The following ANO10 variants were observed in gnomAD, a reference collection of about 807,000 sequenced individuals.
ANO10 encodes the protein anoctamin-10.
In ANO10, 77 loss-of-function variants were observed where a neutral mutation model predicts 74.7. The ratio of observed to expected loss-of-function variants is 1.03; its 90% CI spans 0.86 to 1.25. The LOEUF is 1.25. Ranked by LOEUF, ANO10 falls within the 50% of genes most tolerant of loss-of-function variation. The probability of loss-of-function intolerance (pLI) is 0.00; values close to 1 mark genes in which losing one functional copy is unlikely to be tolerated. For synonymous variants in ANO10, 279 were observed against 284.9 expected (o/e 0.98, Z 0.21); for missense variants, 721 against 778.1 (o/e 0.93, Z 0.87).
intron 4 of ANO10, among the ~76,000 whole-genome samples, chr3:43,595,774 G>T (rs906899201): frequency 1.3e-5 from 2 of 152,120 alleles, no homozygotes; most frequent in African/African-American, 4.8e-5. Flanking sequence ...CAATCAGGCA[G>T]GAGAAAGAAA....
intron 7 of ANO10, among the ~76,000 whole-genome samples, chr3:43,574,112 G>C (rs188105260): frequency 1.3e-5 from 2 of 150,160 alleles, no homozygotes; most frequent in African/African-American, 4.9e-5. Flanking sequence ...CACCATACCC[G>C]GTGAATTTTT....
intron 12 of ANO10, among the ~76,000 whole-genome samples, chr3:43,367,385 T>C (rs2091450114): frequency 6.6e-6 from 1 of 152,194 alleles, no homozygotes; most frequent in African/African-American, 2.4e-5. Flanking sequence ...TTTCCAAATC[T>C]GCAGTGAGAG....
intron 1 of ANO10, among the ~76,000 whole-genome samples, chr3:43,630,641 G>C (rs2083536411): frequency 1.3e-5 from 2 of 152,136 alleles, no homozygotes; most frequent in South Asian, 4.1e-4. Flanking sequence ...ACCTCTGCCT[G>C]GAATACTGTC....
intron 11 of ANO10, among the ~76,000 whole-genome samples, chr3:43,522,348 C>A (rs2077994294): frequency 6.6e-6 from 1 of 151,768 alleles, no homozygotes; most frequent in Non-Finnish European, 1.5e-5. Context: ...AAAAGCTCTA[C>A]AGCTATTTCT....
chr3:43,631,950 A>G (rs1363163446), intron 1 of ANO10, among the ~76,000 whole-genome samples: 1 of 151,500 alleles, frequency 6.6e-6, no homozygotes, highest in Non-Finnish European at 1.5e-5. Flanking sequence ...GTGGGCGCCT[A>G]TAATCCCAGC....
intron 1 of ANO10, among the ~76,000 whole-genome samples, chr3:43,637,336 C>T (rs911621864): frequency 7.2e-5 from 11 of 151,898 alleles, no homozygotes; most frequent in South Asian, 6.2e-4. Flanking sequence ...GGCTTGGGGG[C>T]GCATGCCTGT....
At chr3:43,411,404 CTAAT>C (rs1319913828) in intron 12 of ANO10, among the ~76,000 whole-genome samples, 2 of 152,154 alleles carry the variant, frequency 1.3e-5, no homozygotes, top group Non-Finnish European at 2.9e-5. Flanking sequence ...CAGCTGAGGG[CTAAT>C]TACTCTTTGA....
chr3:43,540,501 G>A (rs2078907751), intron 11 of ANO10, among the ~76,000 whole-genome samples: 1 of 152,178 alleles, frequency 6.6e-6, no homozygotes, highest in Non-Finnish European at 1.5e-5. Flanking sequence ...TCTTTATGAA[G>A]TCTTTCCAAA....
intron 11 of ANO10, among the ~76,000 whole-genome samples, chr3:43,487,979 C>T (rs952450160): frequency 6.6e-5 from 10 of 152,112 alleles, no homozygotes; most frequent in Non-Finnish European, 1.3e-4. Flanking sequence ...AGATATAGAT[C>T]AATGGAACAG....
chr3:43,674,463 CT>C (rs1168666089), intron 1 of ANO10, among the ~76,000 whole-genome samples: 1 of 152,044 alleles, frequency 6.6e-6, no homozygotes, highest in Non-Finnish European at 1.5e-5. Flanking sequence ...GGAGTGTAGA[CT>C]TTTTGATGAA....
At chr3:43,669,156 T>C (rs546633003) in intron 1 of ANO10, among the ~76,000 whole-genome samples, 1 of 152,110 alleles carries the variant, frequency 6.6e-6, no homozygotes, top group African/African-American at 2.4e-5. Context: ...TGGAGTTGTG[T>C]ATTTCCCTTC....
chr3:43,571,956 A>G (rs1455868201), intron 7 of ANO10, among the ~76,000 whole-genome samples: 1 of 152,102 alleles, frequency 6.6e-6, no homozygotes, highest in Non-Finnish European at 1.5e-5. Context: ...TATTAAATAA[A>G]CAAACTCTGG....
At chr3:43,485,006 C>T (rs2076414354) in intron 11 of ANO10, 23 of 1,463,460 alleles carry the variant, frequency 1.6e-5, no homozygotes, top group South Asian at 1.2e-4. Flanking sequence ...GGTGGTGAGG[C>T]GTGGCTTGTG....
At chr3:43,386,648 CGTGTGTGT>C (rs36065814) in intron 12 of ANO10, among the ~76,000 whole-genome samples, 151 of 139,992 alleles carry the variant, frequency 1.1e-3, no homozygotes, top group South Asian at 6.3e-3. Context: ...TAGGTGTGTA[CGTGTGTGT>C]GTGTGTGTGT....
At chr3:43,651,346 A>C (rs569169407) in intron 1 of ANO10, among the ~76,000 whole-genome samples, 1 of 152,338 alleles carries the variant, frequency 6.6e-6, no homozygotes, top group Admixed American at 6.5e-5. Flanking sequence ...ATCTTACGCC[A>C]TAAAGACACA....
At chr3:43,599,483 CTTA>C (rs1366117690) in intron 3 of ANO10, among the ~76,000 whole-genome samples, 2 of 152,080 alleles carry the variant, frequency 1.3e-5, no homozygotes, top group Non-Finnish European at 2.9e-5. Flanking sequence ...TACTGTATTT[CTTA>C]TTATTATAAA....
chr3:43,652,333 G>A (rs1482106429), intron 1 of ANO10, among the ~76,000 whole-genome samples: 5 of 152,122 alleles, frequency 3.3e-5, no homozygotes, highest in African/African-American at 9.7e-5. Flanking sequence ...ATAGAATTGA[G>A]AATCCAGAAA....
intron 4 of ANO10, among the ~76,000 whole-genome samples, chr3:43,597,060 TG>T (rs1461122979): frequency 6.6e-6 from 1 of 152,076 alleles, no homozygotes. Context: ...AAAACCACAA[TG>T]AGATACCATC....
At chr3:43,437,269 GGT>G (rs1295522176) in intron 11 of ANO10, among the ~76,000 whole-genome samples, 1 of 152,116 alleles carries the variant, frequency 6.6e-6, no homozygotes. Flanking sequence ...ATAGTACCAA[GGT>G]AAAGGCAGGT....
Sources: gnomAD v4.1 joint callset for allele counts (sites outside exome capture counted in the v4.1 genomes callset) on GRCh38, gnomAD v4.1.1 for gene constraint, MANE v1.5 for transcripts, NCBI Gene and HGNC (gene_info 2026-07-23, HGNC 2026-07-21) for gene names.